The following ZNF746 variants were observed in gnomAD, a reference collection of about 807,000 sequenced individuals.
The protein encoded by ZNF746 is parkin-interacting substrate.
ZNF746 carries 13 observed loss-of-function variants against 41.0 expected under a neutral mutation model. The ratio of observed to expected loss-of-function variants is 0.32; its 90% CI spans 0.21 to 0.50. The LOEUF is 0.50. Among genes scored for constraint, ZNF746 ranks in the 20% least tolerant of loss-of-function variants. ZNF746 has a pLI of 0.98. For missense variants in ZNF746, 811 were observed against 922.9 expected (o/e 0.88, Z 1.57); for synonymous variants, 424 against 396.2 (o/e 1.07, Z -0.83).
chr7:149,488,951 T>C (rs1800708101), intron 4 of ZNF746: 1 of 152,210 alleles, frequency 6.6e-6, no homozygotes, highest in Non-Finnish European at 1.5e-5. Context: ...GAAAATAAGT[T>C]ACAATATAGT....
chr7:149,474,537 G>T lies in ZNF746; in HGVS notation c.1830C>A (p.Thr610=), dbSNP rs1187222089. Residue 610 remains threonine (T), a synonymous_variant, in exon 7 of 7, where the codon ACC becomes ACA. Coordinates refer to ENST00000458143, the MANE Select transcript of ZNF746 (RefSeq NM_001394198.1). The surrounding 1 kb of genome is among the most constrained non-coding windows in gnomAD (Gnocchi z 6.3). ...HQRNHAAGAK[T]PARGQPLPTP... ...TCGGGAGTGGCTGGCCTCGGGCCGG[G>T]GTCTTGGCGCCCGCTGCATGGTTGC... The T allele has an allele frequency of 2.5e-6, 4 of 1,607,744 alleles. No homozygotes were observed. The highest frequency in any genetic ancestry group is 2.7e-5 in the African/African-American group (2 of 74,868).
At position 149,484,814 on chromosome 7, in the gene ZNF746, A is replaced by C. The variant is rs200054908; in HGVS notation, c.566-7059T>G. Among the ~76,000 whole-genome samples, 20 of 152,284 alleles carry C rather than the reference A, an allele frequency of 1.3e-4. No homozygotes were observed. In the East Asian group the frequency reaches 1.5e-3, roughly 12 times the overall value. The stretch of plus-strand genomic sequence containing the variant: ...TATTAGCATTAATGAAAATTTTAGT[A>C]GGGTTCCTAGATCGTTATCAATAAA... On this transcript the variant is annotated intron_variant, in intron 4 of 6. Transcript: ENST00000458143.
At position 149,494,367 on chromosome 7, in the gene ZNF746, A is replaced by G. The variant is rs779647936; in HGVS notation, c.161T>C (p.Val54Ala). ...GCCCTCCAGCTGGTTCCCGAACTCC[A>G]CGGCTGTCTTCTCGCAATCAGCCAG... ...KKLADCEKTA[V>A]EFGNQLEGKW... Residue 54 changes from valine (V) to alanine (A), a missense_variant, in exon 2 of 7, where the codon GTG becomes GCG. Transcript: ENST00000458143. The surrounding 1 kb of genome is among the most constrained non-coding windows in gnomAD (Gnocchi z 5.6). The G allele has an allele frequency of 1.1e-5, 17 of 1,613,898 alleles. No homozygotes were observed. The South Asian group carries it at 1.8e-4, about 17-fold the overall frequency.
At chr7:149,481,386 T>A (rs1800479577) in intron 4 of ZNF746, among the ~76,000 whole-genome samples, 1 of 152,218 alleles carries the variant, frequency 6.6e-6, no homozygotes, top group Non-Finnish European at 1.5e-5. Context: ...AGATTACTTA[T>A]AATACCTAAT....
chr7:149,494,320 G>A lies in ZNF746; in HGVS notation c.208C>T (p.Leu70=). The change falls in exon 2 of 7, where the codon CTG becomes TTG. Residue 70 remains leucine (L), a synonymous_variant. Transcript: ENST00000458143. This position sits in a 1 kb window ranked among gnomAD's most constrained non-coding sequence, Gnocchi z 5.6. ...TGCAGCAGCCCGTACTCCTGCAGCA[G>A]GGTCCCCAGCACGGCCCACTTGCCC... ...LEGKWAVLGT[L]LQEYGLLQRR... 1.9e-6 allele frequency: 3 copies of A among 1,614,030 alleles called. No individual in the cohort carries two copies. Among genetic ancestry groups the A allele is most frequent in the Non-Finnish European group, 2.5e-6 (3 of 1,179,948 alleles).
rs865939023 is a variant in ZNF746 at position 149,475,030 on chromosome 7, C to T, written c.1337G>A (p.Arg446Gln). 5.8e-6 allele frequency: 9 copies of T among 1,558,692 alleles called. No homozygotes were observed. Among genetic ancestry groups the T allele is most frequent in the Non-Finnish European group, 7.8e-6 (9 of 1,151,686 alleles). Residue 446 changes from arginine (R) to glutamine (Q), a missense_variant, in exon 7 of 7, where the codon CGG becomes CAG. By Grantham distance (43) the Arg-to-Gln change is conservative (BLOSUM62 1). Transcript: ENST00000458143. ...PFNEPCKYPG[R>Q]TKGFGHKPGL... ...TGGCTTGTGGCCAAAGCCTTTGGTCCGGCCAGGGTATTTACAGGGTTCGTT... is the reference window on the plus strand; with the variant it reads ...TGGCTTGTGGCCAAAGCCTTTGGTCTGGCCAGGGTATTTACAGGGTTCGTT...
rs1259885803 is a variant in ZNF746 at position 149,473,975 on chromosome 7, G to A, written c.*409C>T. ...CCATCCCCAGGAGTCAGTGGGCCAGGGGTCCCCAACTGGCCAACCTTCCAA... is the reference window on the plus strand; with the variant it reads ...CCATCCCCAGGAGTCAGTGGGCCAGAGGTCCCCAACTGGCCAACCTTCCAA... On this transcript the variant is annotated 3_prime_UTR_variant, in exon 7 of 7. Coordinates refer to ENST00000458143, the MANE Select transcript of ZNF746 (RefSeq NM_001394198.1). 5 of 259,590 alleles carry A rather than the reference G, an allele frequency of 1.9e-5. No homozygotes were observed. The highest frequency in any genetic ancestry group is 1.0e-4 in the Admixed American group (2 of 19,290). 16.1% of individuals were successfully genotyped at this position (259,590 alleles called of 1,614,324 possible).
Position 149,475,170 on chromosome 7 carries a change from G to T in ZNF746, c.1197C>A (p.Phe399Leu). 6.2e-7 allele frequency: 1 copy of T among 1,612,742 alleles called. No homozygotes were observed. The highest frequency in any genetic ancestry group is 8.5e-7 in the Non-Finnish European group (1 of 1,179,830). ...LFGGVRWGWN[F>L]RCKPPVGLNP... ...TCAGGCCCACTGGCGGTTTACACCG[G>T]AAATTCCAGCCCCACCGGACCCCTC... Residue 399 changes from phenylalanine to leucine, a missense_variant, in exon 7 of 7, where the codon TTC becomes TTA. By Grantham distance (22) the Phe-to-Leu change is conservative. Transcript: ENST00000458143.
At chr7:149,488,471 T>C (rs1490536735) in intron 4 of ZNF746, 2 of 151,952 alleles carry the variant, frequency 1.3e-5, no homozygotes, top group African/African-American at 4.8e-5. Flanking sequence ...AGAAAATGTT[T>C]GTAACACAAA....
chr7:149,486,951 G>C (rs554015299), intron 4 of ZNF746, among the ~76,000 whole-genome samples: 1 of 152,176 alleles, frequency 6.6e-6, no homozygotes, highest in Non-Finnish European at 1.5e-5. Context: ...CCCATGCCCC[G>C]GGGAACCTGG....
At chr7:149,481,507 T>C (rs1473660668) in intron 4 of ZNF746, among the ~76,000 whole-genome samples, 2 of 152,208 alleles carry the variant, frequency 1.3e-5, no homozygotes, top group Non-Finnish European at 2.9e-5. Context: ...ATATTTCAAA[T>C]GTGCAGTTAC....
chr7:149,474,272 G>T lies in ZNF746; in HGVS notation c.*112C>A. On this transcript the variant is annotated 3_prime_UTR_variant, in exon 7 of 7. Transcript: ENST00000458143. The surrounding 1 kb of genome is among the most constrained non-coding windows in gnomAD (Gnocchi z 6.3). Reference sequence around the variant, plus strand: ...CAGTGATCATCAGTTCAGCAACTTGGACATTTGGTTCTCCCCGTCCCGCGT... The same window carrying T: ...CAGTGATCATCAGTTCAGCAACTTGTACATTTGGTTCTCCCCGTCCCGCGT... The T allele has an allele frequency of 1.6e-6, 2 of 1,253,680 alleles. No individual in the cohort carries two copies. Among genetic ancestry groups the T allele is most frequent in the African/African-American group, 1.5e-5 (1 of 66,980 alleles). The allele number at this position is 1,253,680 out of a possible 1,614,324, so 77.7% of individuals were successfully genotyped here. A position where few individuals can be genotyped will look rare whatever the true frequency, so the allele number is the denominator to read the frequency against.
chr7:149,497,491 T>TCC lies in ZNF746; in HGVS notation c.24+21_24+22insGG. 1 of 1,093,276 alleles carries TCC rather than the reference T, an allele frequency of 9.1e-7. No individual in the cohort carries two copies. Among genetic ancestry groups the TCC allele is most frequent in the Non-Finnish European group, 1.1e-6 (1 of 903,792 alleles). The allele number at this position is 1,093,276 out of a possible 1,614,324, so 67.7% of individuals were successfully genotyped here. A position where few individuals can be genotyped will look rare whatever the true frequency, so the allele number is the denominator to read the frequency against. On this transcript the variant is annotated intron_variant, in intron 1 of 6. Coordinates refer to ENST00000458143, the MANE Select transcript of ZNF746 (RefSeq NM_001394198.1). This position sits in a 1 kb window ranked among gnomAD's most constrained non-coding sequence, Gnocchi z 4.2. ...CTGGGGCCCCCAGGCCGCGAGTCCC[T>TCC]GCGCGCGCGGGTCGCCCTTACCGGA...
In ZNF746 at chr7:149,474,860, C is replaced by G; in HGVS notation, c.1507G>C (p.Gly503Arg). 6.9e-7 allele frequency: 1 copy of G among 1,459,596 alleles called. No individual in the cohort carries two copies. The highest frequency in any genetic ancestry group is 9.0e-7 in the Non-Finnish European group (1 of 1,113,182). The allele number at this position is 1,459,596 out of a possible 1,614,324, so 90.4% of individuals were successfully genotyped here. Residue 503 changes from glycine (G) to arginine (R), a missense_variant, in exon 7 of 7, where the codon GGT (glycine) becomes CGT (arginine). Physicochemically the swap from Gly to Arg is moderately radical, Grantham distance 125 (BLOSUM62 -2). Around this residue, in one of 4 missense-constraint regions of ZNF746, gnomAD observed 495 missense variants for 481.6 expected, o/e 1.03. Transcript: ENST00000458143. The surrounding 1 kb of genome is among the most constrained non-coding windows in gnomAD (Gnocchi z 6.3). ...CCGCCGCCACTGCCGCTGCCGCCAC[C>G]GCCTGTGCCCGGGCCCGACCCGTCG... ...APDGSGPGTG[G>R]GGSGSGGGGG...
rs1387852908 is a variant in ZNF746, at chr7:149,473,725, G to A, written c.*659C>T. ...TAGGGGACACCACCAAGTGCCCTTG[G>A]GACGGGTACCACAGATGGCCCAAAA... On this transcript the variant is annotated 3_prime_UTR_variant, in exon 7 of 7. Coordinates refer to ENST00000458143, the MANE Select transcript of ZNF746 (RefSeq NM_001394198.1). 1 of 155,096 alleles carries A rather than the reference G, an allele frequency of 6.4e-6. No homozygotes were observed. The highest frequency in any genetic ancestry group is 1.4e-5 in the Non-Finnish European group (1 of 69,670). 9.6% of individuals were successfully genotyped at this position (155,096 alleles called of 1,614,324 possible). A position where few individuals can be genotyped will look rare whatever the true frequency, so the allele number is the denominator to read the frequency against.
In ZNF746 at chr7:149,474,642, C is replaced by T. The variant is rs754063926; in HGVS notation, c.1725G>A (p.Thr575=). The part of the protein sequence containing the change: ...ERSKLIDHYR[T]HTGVRPFTCT... ...AGGTGAAGGGCCGCACGCCCGTGTG[C>T]GTTCGGTAGTGGTCGATGAGCTTGG... The change falls in exon 7 of 7, where the codon ACG becomes ACA. Residue 575 remains threonine, a synonymous_variant. Coordinates refer to ENST00000458143, the MANE Select transcript of ZNF746 (RefSeq NM_001394198.1). This position sits in a 1 kb window ranked among gnomAD's most constrained non-coding sequence, Gnocchi z 6.3. 4.3e-6 allele frequency: 7 copies of T among 1,613,504 alleles called. No homozygotes were observed. Among genetic ancestry groups the T allele is most frequent in the East Asian group, 4.5e-5 (2 of 44,870 alleles).
rs776180012 is a variant in ZNF746, at chr7:149,477,666, C to T, written c.655G>A (p.Val219Met). 6.1e-5 allele frequency: 99 copies of T among 1,613,906 alleles called. No homozygotes were observed. The highest frequency in any genetic ancestry group is 4.9e-4 in the East Asian group (22 of 44,888). Residue 219 changes from valine (V) to methionine (M), a missense_variant, in exon 5 of 7, where the codon GTG (valine) becomes ATG (methionine). Physicochemically the swap from Val to Met is conservative, Grantham distance 21. Transcript: ENST00000458143. ...LQLQEQQALG[V>M]EAWAAGQPDI... ...GGCTGCCCGGCTGCCCACGCCTCCA[C>T]GCCCAGGGCCTGCTGCTCCTGGAGC...
chr7:149,477,568 G>T lies in ZNF746; in HGVS notation c.753C>A (p.Thr251=). Residue 251 remains threonine (T), a synonymous_variant, in exon 5 of 7, where the codon ACC becomes ACA. Transcript: ENST00000458143. Reference sequence around the variant, plus strand: ...GTCCCCGTCTCAGCCACTTACCAGAGGTGGCATCCGTGGAGATGTCTCCTG... The same window carrying T: ...GTCCCCGTCTCAGCCACTTACCAGATGTGGCATCCGTGGAGATGTCTCCTG... ...SGAGDISTDA[T]SGVHSNFSTT... 1 of 1,603,760 alleles carries T rather than the reference G, an allele frequency of 6.2e-7. No homozygotes were observed. The highest frequency in any genetic ancestry group is 8.5e-7 in the Non-Finnish European group (1 of 1,172,328).
intron 4 of ZNF746, among the ~76,000 whole-genome samples, chr7:149,482,709 C>A (rs1191178830): frequency 6.6e-6 from 1 of 152,230 alleles, no homozygotes; most frequent in African/African-American, 2.4e-5. Context: ...AGGTGATCCA[C>A]TCGTCTCAGC....
Sources: allele counts gnomAD v4.1 joint callset (sites outside exome capture counted in the v4.1 genomes callset), GRCh38; gene constraint gnomAD v4.1.1; regional missense constraint gnomAD v4.1.1; non-coding constraint Gnocchi (gnomAD v3.1); transcripts MANE v1.5; gene names NCBI Gene and HGNC (gene_info 2026-07-23, HGNC 2026-07-21).